Variants in CAMTA1 observed in about 807,000 individuals in gnomAD.
CAMTA1 encodes calmodulin-binding transcription activator 1.
CAMTA1 carries 27 observed loss-of-function variants against 170.9 expected under a neutral mutation model. The observed-to-expected ratio is 0.16, with a 90% CI of 0.12 to 0.22. The LOEUF (loss-of-function observed/expected upper bound fraction) is 0.22. CAMTA1 is among the 10% of genes least tolerant of loss of function. CAMTA1 has a pLI of 1.00. For synonymous variants in CAMTA1, 833 were observed against 891.5 expected, an observed-to-expected ratio of 0.93 and a Z score of 1.17; for missense variants, 1,619 against 2,217.2, an observed-to-expected ratio of 0.73 and a Z score of 5.42.
At chr1:6,890,994 C>G (rs1041327168) in intron 3 of CAMTA1, among the ~76,000 whole-genome samples, 3 of 152,172 alleles carry the variant, frequency 2.0e-5, no homozygotes, top group African/African-American at 7.2e-5. Context: ...GAAATAGTCA[C>G]AGATTCTAAG....
chr1:7,038,270 A>G (rs1703930635), intron 3 of CAMTA1, among the ~76,000 whole-genome samples: 1 of 152,246 alleles, frequency 6.6e-6, no homozygotes, highest in Non-Finnish European at 1.5e-5. Context: ...GCATATTTAC[A>G]TGCATATTCA....
chr1:7,453,140 T>C (rs1289149863), intron 5 of CAMTA1, among the ~76,000 whole-genome samples: 1 of 152,204 alleles, frequency 6.6e-6, no homozygotes, highest in East Asian at 1.9e-4. Flanking sequence ...CCCAGCAGCA[T>C]CTGGTGGCAG....
chr1:6,868,239 G>A (rs1286110468), intron 3 of CAMTA1, among the ~76,000 whole-genome samples: 1 of 151,802 alleles, frequency 6.6e-6, no homozygotes, highest in Non-Finnish European at 1.5e-5. Flanking sequence ...TACCTGGGAG[G>A]CGGAGGCAGC....
chr1:7,422,985 G>T (rs1345498746), intron 5 of CAMTA1, among the ~76,000 whole-genome samples: 1 of 152,252 alleles, frequency 6.6e-6, no homozygotes, highest in Non-Finnish European at 1.5e-5. Context: ...TAGATTAATG[G>T]CAGTGCCATT....
chr1:6,846,381 T>C (rs950525236), intron 3 of CAMTA1, among the ~76,000 whole-genome samples: 2 of 152,330 alleles, frequency 1.3e-5, no homozygotes, highest in Admixed American at 6.5e-5. Flanking sequence ...CACTTTTCAT[T>C]TGAATGTTTG....
At position 6,970,185 on chromosome 1, in the gene CAMTA1, G is replaced by A. The variant is rs1391290148; in HGVS notation, c.235-121119G>A. Among the ~76,000 whole-genome samples, 4 of 152,164 alleles carry A rather than the reference G, an allele frequency of 2.6e-5. No homozygotes were observed. Among genetic ancestry groups the A allele is most frequent in the South Asian group, 2.1e-4 (1 of 4,826 alleles). On this transcript the variant is annotated intron_variant, in intron 3 of 22. Coordinates refer to ENST00000303635, the MANE Select transcript of CAMTA1 (RefSeq NM_015215.4). The surrounding 1 kb of genome is among the most constrained non-coding windows in gnomAD (Gnocchi z 4.4). ...TATATAATAATCTTCCAGAAATTGA[G>A]GGACATGGAAAGAAAACATTTCCAT...
intron 3 of CAMTA1, among the ~76,000 whole-genome samples, chr1:6,980,213 G>A (rs931666065): frequency 2.6e-5 from 4 of 152,132 alleles, no homozygotes; most frequent in Admixed American, 6.5e-5. Flanking sequence ...AGTCGGGGTG[G>A]AGTCGAGGGC....
At chr1:6,796,731 T>C (rs1400781814) in intron 1 of CAMTA1, among the ~76,000 whole-genome samples, 2 of 152,162 alleles carry the variant, frequency 1.3e-5, no homozygotes, top group Admixed American at 6.5e-5. Flanking sequence ...CTCCGGTTTC[T>C]CCTCTAGGGA....
At chr1:7,449,859 C>T (rs1557734758) in intron 5 of CAMTA1, among the ~76,000 whole-genome samples, 2 of 151,962 alleles carry the variant, frequency 1.3e-5, no homozygotes, top group Admixed American at 6.6e-5. Flanking sequence ...TCAGAGCAGC[C>T]CCCGAGGAGT....
intron 16 of CAMTA1, among the ~76,000 whole-genome samples, chr1:7,743,001 A>G (rs917749753): frequency 4.6e-5 from 7 of 151,950 alleles, no homozygotes; most frequent in African/African-American, 1.7e-4. Context: ...GGCCTGCACC[A>G]CCATATCTGG....
At chr1:6,856,024 C>T (rs1662210974) in intron 3 of CAMTA1, among the ~76,000 whole-genome samples, 1 of 152,142 alleles carries the variant, frequency 6.6e-6, no homozygotes, top group Non-Finnish European at 1.5e-5. Flanking sequence ...AAAAGCTCTT[C>T]ATGGGGAGGT....
intron 5 of CAMTA1, among the ~76,000 whole-genome samples, chr1:7,417,252 G>T (rs528272105): frequency 1.3e-5 from 2 of 152,254 alleles, no homozygotes; most frequent in South Asian, 4.1e-4. Flanking sequence ...CAGTCTGCCC[G>T]TTCTCAGATC....
chr1:7,307,333 T>G (rs1574565402), intron 5 of CAMTA1, among the ~76,000 whole-genome samples: 1 of 1,078 alleles, frequency 9.3e-4, no homozygotes, highest in Non-Finnish European at 1.3e-3. Context: ...AGTTCTAGGA[T>G]TTTTTTTTTT....
chr1:7,263,140 C>T (rs1388484623), intron 5 of CAMTA1, among the ~76,000 whole-genome samples: 6 of 151,928 alleles, frequency 3.9e-5, no homozygotes, highest in Non-Finnish European at 7.4e-5. Flanking sequence ...AGGCTAAATA[C>T]CAGACAAGTG....
At chr1:7,500,092 T>TGAGC (rs1262539076) in intron 6 of CAMTA1, among the ~76,000 whole-genome samples, 4 of 140,514 alleles carry the variant, frequency 2.8e-5, no homozygotes, top group African/African-American at 1.1e-4. Flanking sequence ...TGTGTGTCCA[T>TGAGC]GAGTGTGTAG....
intron 5 of CAMTA1, among the ~76,000 whole-genome samples, chr1:7,360,730 G>C (rs1043523020): frequency 2.6e-4 from 39 of 152,338 alleles, no homozygotes; most frequent in African/African-American, 9.1e-4. Flanking sequence ...AGAGTGAGCA[G>C]GCTGTGCTGG....
chr1:7,688,034 A>G (rs1576883098), intron 11 of CAMTA1, among the ~76,000 whole-genome samples: 1 of 36,820 alleles, frequency 2.7e-5, no homozygotes, highest in Non-Finnish European at 7.0e-5. Flanking sequence ...TTTTTGGCAG[A>G]GTCTTGCTCT....
At chr1:7,238,603 G>A (rs1451123396) in intron 4 of CAMTA1, among the ~76,000 whole-genome samples, 1 of 152,240 alleles carries the variant, frequency 6.6e-6, no homozygotes, top group Non-Finnish European at 1.5e-5. Context: ...ACTGAGCAGG[G>A]CCAGGTGTGG....
intron 7 of CAMTA1, among the ~76,000 whole-genome samples, chr1:7,646,261 ATGGAGGCCATAGTGAGTGTGGT>A (rs1270683797): frequency 2.6e-5 from 2 of 77,306 alleles, no homozygotes; most frequent in African/African-American, 1.0e-4. Flanking sequence ...GGTGAGTTGG[ATGGAGGCCATAGTGAGTGTGGT>A]TGGAGGCCAC....
Sources: gnomAD v4.1 joint callset for allele counts (sites outside exome capture counted in the v4.1 genomes callset) on GRCh38, gnomAD v4.1.1 for gene constraint, Gnocchi (gnomAD v3.1) non-coding constraint, MANE v1.5 for transcripts, NCBI Gene and HGNC (gene_info 2026-07-23, HGNC 2026-07-21) for gene names.